TEAD1: variants seen among roughly 807,000 people sequenced by gnomAD.
The protein encoded by TEAD1 is TEA domain transcription factor 1, also known as transcriptional enhancer factor TEF-1.
In TEAD1, 9 loss-of-function variants were observed where a neutral mutation model predicts 54.9. The observed-to-expected ratio is 0.16, with a 90% CI of 0.10 to 0.29. The LOEUF is 0.29. Ranked by LOEUF, TEAD1 falls within the 10% of genes least tolerant of loss-of-function variation. The probability of loss-of-function intolerance (pLI) is 1.00; values close to 1 mark genes in which losing one functional copy is unlikely to be tolerated. For missense variants in TEAD1, 387 were observed against 535.9 expected, an observed-to-expected ratio of 0.72 and a Z score of 2.74; for synonymous variants, 200 against 187.8, an observed-to-expected ratio of 1.07 and a Z score of -0.53.
At chr11:12,877,517 G>T (rs1054957304) in intron 5 of TEAD1, among the ~76,000 whole-genome samples, 1 of 152,080 alleles carries the variant, frequency 6.6e-6, no homozygotes. Context: ...AAATTAGCCG[G>T]GCATGGTGGC....
At chr11:12,862,414 A>G (rs898180450) in intron 4 of TEAD1, 100 bp downstream of exon 4, 65 of 1,026,774 alleles carry the variant, frequency 6.3e-5, no homozygotes, top group Admixed American at 3.9e-4. Context: ...GGAGCCCCCA[A>G]TTTGAGTTCC....
chr11:12,755,136 G>A, intron 2 of TEAD1, among the ~76,000 whole-genome samples: 1 of 152,168 alleles, frequency 6.6e-6, no homozygotes. Context: ...CCTTTAGTAA[G>A]CAGGGATGAC....
intron 3 of TEAD1, among the ~76,000 whole-genome samples, chr11:12,814,238 C>A (rs1309359442): frequency 1.1e-4 from 17 of 152,132 alleles, no homozygotes; most frequent in Admixed American, 1.1e-3. Flanking sequence ...GACCTGGACG[C>A]CCGGGGAGTT....
At chr11:12,792,355 TAAAAAAAA>T (rs10630085) in intron 3 of TEAD1, among the ~76,000 whole-genome samples, 3 of 98,636 alleles carry the variant, frequency 3.0e-5, no homozygotes, top group Non-Finnish European at 4.1e-5. Flanking sequence ...GGGAAAATAG[TAAAAAAAA>T]AAAAAAAAAA....
intron 2 of TEAD1, among the ~76,000 whole-genome samples, chr11:12,715,989 A>G (rs1406243125): frequency 1.3e-5 from 2 of 151,942 alleles, no homozygotes; most frequent in Admixed American, 6.6e-5. Flanking sequence ...TGGCCAAGGA[A>G]TCATTTCCTA....
intron 5 of TEAD1, among the ~76,000 whole-genome samples, chr11:12,875,425 A>G (rs1324523441): frequency 6.6e-6 from 1 of 152,214 alleles, no homozygotes; most frequent in Non-Finnish European, 1.5e-5. Flanking sequence ...TTAGCTTGGC[A>G]TTCTTTCAAA....
chr11:12,805,138 C>G (rs1946142103), intron 3 of TEAD1, among the ~76,000 whole-genome samples: 1 of 152,182 alleles, frequency 6.6e-6, no homozygotes, highest in South Asian at 2.1e-4. Flanking sequence ...TGGTGGCTTA[C>G]TGTGAAGGTC....
intron 3 of TEAD1, among the ~76,000 whole-genome samples, chr11:12,789,407 A>G (rs1161001531): frequency 6.6e-6 from 1 of 152,238 alleles, no homozygotes; most frequent in Non-Finnish European, 1.5e-5. Context: ...AAAAGCAAAA[A>G]TGAAATACTT....
chr11:12,789,225 T>C (rs553781695), intron 3 of TEAD1, among the ~76,000 whole-genome samples: 1 of 152,340 alleles, frequency 6.6e-6, no homozygotes, highest in East Asian at 1.9e-4. Flanking sequence ...ATGGGGACAA[T>C]GAAACCTACC....
At chr11:12,779,305 A>T (rs1049139716) in intron 3 of TEAD1, among the ~76,000 whole-genome samples, 5 of 152,172 alleles carry the variant, frequency 3.3e-5, no homozygotes, top group Non-Finnish European at 5.9e-5. Flanking sequence ...AGTTTCCAGG[A>T]TACAAAATCT....
At chr11:12,771,312 A>G (rs1945307181) in intron 3 of TEAD1, among the ~76,000 whole-genome samples, 1 of 152,160 alleles carries the variant, frequency 6.6e-6, no homozygotes, top group African/African-American at 2.4e-5. Context: ...GAGAGATGAC[A>G]TGTCTCAGCC....
At chr11:12,699,917 A>G (rs1426036174) in intron 2 of TEAD1, among the ~76,000 whole-genome samples, 5 of 152,152 alleles carry the variant, frequency 3.3e-5, no homozygotes, top group Non-Finnish European at 5.9e-5. Context: ...TTGAGGATGG[A>G]CCTGGGAATG....
In TEAD1 at chr11:12,937,690, G is replaced by A. The variant is rs1949122737; in HGVS notation, c.*468G>A. The A allele has an allele frequency of 6.5e-6, 1 of 153,210 alleles. No homozygotes were observed. The highest frequency in any genetic ancestry group is 2.4e-5 in the African/African-American group (1 of 41,458). The allele number at this position is 153,210 out of a possible 1,614,324, so 9.5% of individuals were successfully genotyped here. The stretch of plus-strand genomic sequence containing the variant: ...GTAAAATTAATCTTTAAATATAAAT[G>A]TAAATTAGTACACAAAACTAAGAAT... On this transcript the variant is annotated 3_prime_UTR_variant, in exon 13 of 13. Transcript: ENST00000527636.
intron 3 of TEAD1, among the ~76,000 whole-genome samples, chr11:12,836,360 C>CAGTG (rs1462188904): frequency 2.3e-4 from 34 of 148,848 alleles, no homozygotes; most frequent in African/African-American, 8.2e-4. Flanking sequence ...GCGGAGCTTG[C>CAGTG]AGTGAGTCAA....
chr11:12,883,984 A>C (rs1948031800), intron 9 of TEAD1, among the ~76,000 whole-genome samples: 1 of 133,704 alleles, frequency 7.5e-6, no homozygotes, highest in African/African-American at 2.9e-5. Flanking sequence ...ACAGAGCGAG[A>C]CTCCGTCTCA....
chr11:12,738,279 T>C lies in TEAD1; in HGVS notation c.-54-25900T>C, dbSNP rs75193147. Among the ~76,000 whole-genome samples, 277 of 152,266 alleles carry C rather than the reference T, an allele frequency of 1.8e-3. 1 individual carries two copies. Among genetic ancestry groups the C allele is most frequent in the Non-Finnish European group, 2.0e-3 (137 of 68,026 alleles). ...AATGGAGTAGGGGAAGAAAATCAATTACTGCCCCGTACCTTCTGAGCTGAC... is the reference window on the plus strand; with the variant it reads ...AATGGAGTAGGGGAAGAAAATCAATCACTGCCCCGTACCTTCTGAGCTGAC... On this transcript the variant is annotated intron_variant, in intron 2 of 12. Transcript: ENST00000527636.
chr11:12,910,157 A>G (rs1254777069), intron 10 of TEAD1, among the ~76,000 whole-genome samples: 2 of 152,238 alleles, frequency 1.3e-5, no homozygotes, highest in African/African-American at 2.4e-5. Flanking sequence ...CCAGAGCTAG[A>G]AGACATGAGT....
rs921387683 is a variant in TEAD1, at chr11:12,939,665, A to G, written c.*2443A>G. 6.6e-6 allele frequency: 1 copy of G among 152,250 alleles called. No individual in the cohort carries two copies. Among genetic ancestry groups the G allele is most frequent in the Admixed American group, 6.5e-5 (1 of 15,272 alleles). 9.4% of individuals were successfully genotyped at this position (152,250 alleles called of 1,614,324 possible). Reference sequence around the variant, plus strand: ...ATCCTCTTGCTCAGAATGCCTTTGCAGTTGAGTTTTCTGGGTTTCTATGAT... The same window carrying G: ...ATCCTCTTGCTCAGAATGCCTTTGCGGTTGAGTTTTCTGGGTTTCTATGAT... On this transcript the variant is annotated 3_prime_UTR_variant, in exon 13 of 13. Coordinates refer to ENST00000527636, the MANE Select transcript of TEAD1 (RefSeq NM_021961.6).
intron 3 of TEAD1, among the ~76,000 whole-genome samples, chr11:12,829,049 C>T (rs1451362692): frequency 1.3e-5 from 2 of 151,804 alleles, no homozygotes; most frequent in Non-Finnish European, 2.9e-5. Flanking sequence ...GGTTTTAGCC[C>T]CCTCGCCCTT....
Sources: allele counts gnomAD v4.1 joint callset (sites outside exome capture counted in the v4.1 genomes callset), GRCh38; gene constraint gnomAD v4.1.1; transcripts MANE v1.5; gene names NCBI Gene and HGNC (gene_info 2026-07-23, HGNC 2026-07-21).